ASIC2: variants seen among roughly 807,000 people sequenced by gnomAD.
The protein encoded by ASIC2 is acid-sensing ion channel 2.
ASIC2 carries 25 observed loss-of-function variants against 57.3 expected under a neutral mutation model. The ratio of observed to expected loss-of-function variants is 0.44; its 90% confidence interval spans 0.32 to 0.61. The LOEUF (loss-of-function observed/expected upper bound fraction) is 0.61. Ranked by LOEUF, ASIC2 falls within the 20% of genes least tolerant of loss-of-function variation. ASIC2 has a pLI of 0.06. For synonymous variants in ASIC2, 319 were observed against 307.5 expected (o/e 1.04, Z -0.39); for missense variants, 641 against 738.1 (o/e 0.87, Z 1.52).
At chr17:33,174,963 C>G (rs1433467787) in intron 1 of ASIC2, among the ~76,000 whole-genome samples, 2 of 152,098 alleles carry the variant, frequency 1.3e-5, no homozygotes, top group African/African-American at 4.8e-5. Flanking sequence ...TGGATGGACC[C>G]TCCTCTCTCC....
chr17:33,974,669 T>C (rs1357113711), intron 1 of ASIC2, among the ~76,000 whole-genome samples: 1 of 151,082 alleles, frequency 6.6e-6, no homozygotes, highest in Non-Finnish European at 1.5e-5. Flanking sequence ...ACAAAGACAG[T>C]GCCCATGAAT....
intron 1 of ASIC2, among the ~76,000 whole-genome samples, chr17:33,396,620 C>A (rs1231079419): frequency 6.6e-6 from 1 of 152,096 alleles, no homozygotes; most frequent in African/African-American, 2.4e-5. Context: ...ATAGAAGTGG[C>A]CCCCAAATAA....
At chr17:33,679,572 C>A (rs901253364) in intron 1 of ASIC2, among the ~76,000 whole-genome samples, 3 of 152,068 alleles carry the variant, frequency 2.0e-5, no homozygotes, top group African/African-American at 7.2e-5. Flanking sequence ...GGGAGACAGA[C>A]AACAATGACA....
At chr17:33,786,536 A>G (rs1308067682) in intron 1 of ASIC2, among the ~76,000 whole-genome samples, 1 of 151,582 alleles carries the variant, frequency 6.6e-6, no homozygotes, top group Admixed American at 6.5e-5. Flanking sequence ...CTAATTAAAA[A>G]TATTTTAATC....
At position 33,139,784 on chromosome 17, in the gene ASIC2, C is replaced by T. The variant is rs148538119; in HGVS notation, c.709-27717G>A. On this transcript the variant is annotated intron_variant, in intron 1 of 9. Coordinates refer to ENST00000225823, the MANE Select transcript of ASIC2 (RefSeq NM_183377.2). ...GTATACTTCCCCTCCCTTCTTTCCC[C>T]GGAGAGACAAGATTGCAAGCTTGGA... 5.4e-3 allele frequency among the ~76,000 whole-genome samples: 816 copies of T among 152,230 alleles called. 4 individuals carry two copies. The highest frequency in any genetic ancestry group is 0.018 in the African/African-American group (763 of 41,544).
chr17:33,143,841 A>C (rs1904430652), intron 1 of ASIC2, among the ~76,000 whole-genome samples: 1 of 152,262 alleles, frequency 6.6e-6, no homozygotes, highest in Non-Finnish European at 1.5e-5. Flanking sequence ...AGATGTATGC[A>C]TAAAGGAATG....
intron 1 of ASIC2, among the ~76,000 whole-genome samples, chr17:34,022,077 T>G (rs1907184167): frequency 6.6e-6 from 1 of 152,166 alleles, no homozygotes; most frequent in South Asian, 2.1e-4. Flanking sequence ...GACCTTGTGA[T>G]CCGCCCACCT....
At chr17:33,671,157 C>T (rs941305454) in intron 1 of ASIC2, among the ~76,000 whole-genome samples, 2 of 152,192 alleles carry the variant, frequency 1.3e-5, no homozygotes, top group Non-Finnish European at 2.9e-5. Context: ...CTTACTCTTT[C>T]AAGTGGATGT....
chr17:33,600,560 G>C (rs1339164228), intron 1 of ASIC2, among the ~76,000 whole-genome samples: 1 of 152,174 alleles, frequency 6.6e-6, no homozygotes, highest in Non-Finnish European at 1.5e-5. Context: ...GGCAGGTCAG[G>C]CTATAAAAAG....
chr17:33,368,125 C>A (rs1433987936), intron 1 of ASIC2, among the ~76,000 whole-genome samples: 1 of 152,228 alleles, frequency 6.6e-6, no homozygotes, highest in African/African-American at 2.4e-5. Flanking sequence ...TCTTCTTGAA[C>A]CCAGTGGACC....
intron 1 of ASIC2, among the ~76,000 whole-genome samples, chr17:33,376,187 A>G (rs1240439518): frequency 6.6e-6 from 1 of 152,186 alleles, no homozygotes; most frequent in Non-Finnish European, 1.5e-5. Context: ...AGGAGAATCA[A>G]TATGATTGAG....
At chr17:33,057,570 C>T (rs908578790) in intron 3 of ASIC2, among the ~76,000 whole-genome samples, 1 of 152,212 alleles carries the variant, frequency 6.6e-6, no homozygotes, top group Non-Finnish European at 1.5e-5. Flanking sequence ...GACTACCAAA[C>T]CCCAGAGTCT....
At chr17:33,827,505 T>TC (rs1912965582) in intron 1 of ASIC2, among the ~76,000 whole-genome samples, 1 of 47,412 alleles carries the variant, frequency 2.1e-5, no homozygotes, top group African/African-American at 9.8e-5. Flanking sequence ...CTATTTTTTG[T>TC]CTTTTTTTTT....
chr17:34,132,664 AAGAC>A (rs1294531769), intron 1 of ASIC2, among the ~76,000 whole-genome samples: 4 of 150,470 alleles, frequency 2.7e-5, no homozygotes, highest in African/African-American at 4.9e-5. Context: ...ATCCTCTTGT[AAGAC>A]AGAAAAGTTC....
At chr17:33,592,868 G>C (rs1355471025) in intron 1 of ASIC2, among the ~76,000 whole-genome samples, 1 of 152,192 alleles carries the variant, frequency 6.6e-6, no homozygotes, top group Non-Finnish European at 1.5e-5. Context: ...TCCATCTCCT[G>C]AGAGACTCTT....
intron 1 of ASIC2, among the ~76,000 whole-genome samples, chr17:33,465,819 G>A (rs1018017997): frequency 4.6e-5 from 7 of 152,194 alleles, no homozygotes; most frequent in Non-Finnish European, 1.0e-4. Flanking sequence ...TGGTCCTCCA[G>A]CTTTCTCCCA....
intron 1 of ASIC2, among the ~76,000 whole-genome samples, chr17:33,260,480 G>A (rs959482792): frequency 6.6e-6 from 1 of 152,216 alleles, no homozygotes; most frequent in Non-Finnish European, 1.5e-5. Context: ...TTCTTGAAGG[G>A]AAAATGATGG....
At chr17:33,036,268 C>T (rs2091908111) in intron 3 of ASIC2, among the ~76,000 whole-genome samples, 1 of 151,992 alleles carries the variant, frequency 6.6e-6, no homozygotes, top group Non-Finnish European at 1.5e-5. Context: ...GTTAAGTAGC[C>T]TGTGCAAGAT....
chr17:33,902,995 T>C (rs916499231), intron 1 of ASIC2, among the ~76,000 whole-genome samples: 2 of 152,170 alleles, frequency 1.3e-5, no homozygotes, highest in African/African-American at 2.4e-5. Flanking sequence ...TCAAAAATAA[T>C]AAATGTGAAG....
Sources: allele counts gnomAD v4.1 joint callset (sites outside exome capture counted in the v4.1 genomes callset), GRCh38; gene constraint gnomAD v4.1.1; transcripts MANE v1.5; gene names NCBI Gene and HGNC (gene_info 2026-07-23, HGNC 2026-07-21).